The following RB1CC1 variants were observed in gnomAD, a reference collection of about 807,000 sequenced individuals.
RB1CC1 encodes the protein RB1 inducible coiled-coil 1.
RB1CC1 carries 46 observed loss-of-function variants against 177.5 expected under a neutral mutation model. That is an observed-to-expected ratio of 0.26 (90% confidence interval 0.20 to 0.33). The LOEUF is 0.33. Among genes scored for constraint, RB1CC1 ranks in the 10% least tolerant of loss-of-function variants. RB1CC1 has a pLI of 1.00. For missense variants in RB1CC1, 1,703 were observed against 1,816.3 expected (o/e 0.94, Z 1.13); for synonymous variants, 666 against 613.6 (o/e 1.09, Z -1.26).
chr8:52,687,224 A>G (rs917635742), intron 1 of RB1CC1, among the ~76,000 whole-genome samples: 1 of 152,176 alleles, frequency 6.6e-6, no homozygotes, highest in Non-Finnish European at 1.5e-5. Flanking sequence ...TATTATGGTA[A>G]AGAAGTATCC....
At chr8:52,660,465 C>A in intron 12 of RB1CC1, 131 bp downstream of exon 12, 2 of 885,242 alleles carry the variant, frequency 2.3e-6, no homozygotes, top group Admixed American at 3.1e-5. Flanking sequence ...CTTTTAAAGC[C>A]AAAAACACTT....
intron 1 of RB1CC1, among the ~76,000 whole-genome samples, chr8:52,706,131 A>G (rs1856519882): frequency 7.6e-6 from 1 of 131,230 alleles, no homozygotes; most frequent in African/African-American, 2.6e-5. Context: ...GAGGGGAAAA[A>G]CACATATCCA....
chr8:52,673,731 A>C, intron 7 of RB1CC1, 114 bp downstream of exon 7: 1 of 978,342 alleles, frequency 1.0e-6, no homozygotes. Flanking sequence ...TCACTCCAAG[A>C]CTCATTTATT....
At chr8:52,681,710 C>A (rs939801992) in intron 5 of RB1CC1, among the ~76,000 whole-genome samples, 1 of 152,212 alleles carries the variant, frequency 6.6e-6, no homozygotes, top group Admixed American at 6.5e-5. Context: ...ACAGGAGGAT[C>A]ATTTGAGCCC....
At chr8:52,649,115 T>A in intron 15 of RB1CC1, among the ~76,000 whole-genome samples, 1 of 152,096 alleles carries the variant, frequency 6.6e-6, no homozygotes, top group East Asian at 1.9e-4. Flanking sequence ...AAGAGCGAAA[T>A]CACATAAAAC....
At chr8:52,677,391 T>C (rs573220445) in intron 5 of RB1CC1, among the ~76,000 whole-genome samples, 17 of 152,096 alleles carry the variant, frequency 1.1e-4, no homozygotes, top group Non-Finnish European at 2.4e-4. Flanking sequence ...TGAAGCACTA[T>C]TGGTTAAGAA....
At chr8:52,642,133 AT>A (rs1849638255) in intron 18 of RB1CC1, among the ~76,000 whole-genome samples, 1 of 152,156 alleles carries the variant, frequency 6.6e-6, no homozygotes, top group African/African-American at 2.4e-5. Context: ...GTATGGGATA[AT>A]TCTGGTGCAC....
chr8:52,680,994 G>GTGTTT (rs150810028), intron 5 of RB1CC1, among the ~76,000 whole-genome samples: 1 of 128,624 alleles, frequency 7.8e-6, no homozygotes, highest in Admixed American at 7.8e-5. Flanking sequence ...GTGTGTGTGT[G>GTGTTT]TTTTTTTTTT....
chr8:52,632,255 G>A (rs1417937731), intron 20 of RB1CC1, among the ~76,000 whole-genome samples: 1 of 152,156 alleles, frequency 6.6e-6, no homozygotes, highest in Non-Finnish European at 1.5e-5. Flanking sequence ...AGCAAAGTGA[G>A]CCCAATGCAT....
At chr8:52,658,756 T>C in intron 13 of RB1CC1, 117 bp downstream of exon 13, 1 of 597,038 alleles carries the variant, frequency 1.7e-6, no homozygotes, top group Non-Finnish European at 2.7e-6. Flanking sequence ...AGCCAGTCTA[T>C]CTTAAATATT....
At chr8:52,641,232 A>T (rs528708834) in intron 18 of RB1CC1, among the ~76,000 whole-genome samples, 9 of 151,894 alleles carry the variant, frequency 5.9e-5, no homozygotes, top group African/African-American at 2.2e-4. Context: ...AAAAATACAA[A>T]AATTAGCCAG....
intron 19 of RB1CC1, 47 bp downstream of exon 19, chr8:52,635,968 A>G: frequency 6.3e-7 from 1 of 1,593,784 alleles, no homozygotes; most frequent in Non-Finnish European, 8.5e-7. Flanking sequence ...ACTGTATCCA[A>G]AAGTGAACAT....
intron 8 of RB1CC1, among the ~76,000 whole-genome samples, chr8:52,662,870 T>C (rs1169174163): frequency 2.6e-5 from 4 of 152,134 alleles, no homozygotes; most frequent in African/African-American, 7.2e-5. Context: ...AACAATTTGC[T>C]ACTTTTAACT....
At chr8:52,660,559 T>A in intron 12 of RB1CC1, 37 bp downstream of exon 12, 1 of 1,519,726 alleles carries the variant, frequency 6.6e-7, no homozygotes, top group South Asian at 1.2e-5. Context: ...TTTTAAAACA[T>A]ATGGAATTTA....
intron 1 of RB1CC1, among the ~76,000 whole-genome samples, chr8:52,697,830 G>T (rs1855581865): frequency 6.6e-6 from 1 of 152,146 alleles, no homozygotes. Flanking sequence ...AAATAATTAT[G>T]ATGTTTCTGG....
chr8:52,649,598 T>C (rs1337303987), intron 15 of RB1CC1, among the ~76,000 whole-genome samples: 1 of 152,186 alleles, frequency 6.6e-6, no homozygotes, highest in Non-Finnish European at 1.5e-5. Context: ...ATCATGCCAC[T>C]GCACTCCAGC....
chr8:52,679,704 C>G (rs552369383), intron 5 of RB1CC1, among the ~76,000 whole-genome samples: 1 of 152,286 alleles, frequency 6.6e-6, no homozygotes, highest in South Asian at 2.1e-4. Context: ...TGACCTGTCT[C>G]ACGATAATTT....
At chr8:52,666,994 G>A (rs2123289) in intron 8 of RB1CC1, among the ~76,000 whole-genome samples, 26,541 of 152,056 alleles carry the variant, frequency 0.17, 3,257 homozygotes, top group East Asian at 0.65. Flanking sequence ...AATGGTATAA[G>A]TCATTAAACC....
At chr8:52,694,001 T>C (rs993778667) in intron 1 of RB1CC1, among the ~76,000 whole-genome samples, 1 of 152,166 alleles carries the variant, frequency 6.6e-6, no homozygotes, top group Admixed American at 6.5e-5. Flanking sequence ...TACCTGGTCA[T>C]CCTGGCAGTG....
Sources: gnomAD v4.1 joint callset for allele counts (sites outside exome capture counted in the v4.1 genomes callset) on GRCh38, gnomAD v4.1.1 for gene constraint, MANE v1.5 for transcripts, NCBI Gene and HGNC (gene_info 2026-07-23, HGNC 2026-07-21) for gene names.